Variants in IL1RAPL1 observed in about 807,000 individuals in gnomAD.
The protein encoded by IL1RAPL1 is interleukin-1 receptor accessory protein-like 1.
A neutral mutation model predicts 48.4 loss-of-function variants in IL1RAPL1; 3 were observed. That is an observed-to-expected ratio of 0.06 (90% CI 0.03 to 0.16). The LOEUF is 0.16. Among genes scored for constraint, IL1RAPL1 ranks in the 10% least tolerant of loss-of-function variants. The probability of loss-of-function intolerance (pLI) is 1.00; values close to 1 mark genes in which losing one functional copy is unlikely to be tolerated. For missense variants in IL1RAPL1, 349 were observed against 530.6 expected, an observed-to-expected ratio of 0.66 and a Z score of 3.36; for synonymous variants, 185 against 187.7, an observed-to-expected ratio of 0.99 and a Z score of 0.12.
Position 29,457,089 on chromosome X carries a change from G to T in IL1RAPL1, c.703+57781G>T, listed in dbSNP as rs142970996. 2.1e-3 allele frequency among the ~76,000 whole-genome samples: 236 copies of T among 110,091 alleles called. 2 individuals carry two copies. The highest frequency in any genetic ancestry group is 7.4e-3 in the African/African-American group (223 of 30,275). ...ATCTAGTTTGCAGTGAGCCGTGATT[G>T]CACCACTGTACTCCATCCTGAGCAA... On this transcript the variant is annotated intron_variant, in intron 5 of 10. Transcript: ENST00000378993.
At chrX:28,898,351 A>C in intron 2 of IL1RAPL1, among the ~76,000 whole-genome samples, 1 of 112,231 alleles carries the variant, frequency 8.9e-6, no homozygotes. Context: ...TAAGATCACA[A>C]AAATTTCTCC....
At chrX:29,134,801 T>A (rs1294726238) in intron 2 of IL1RAPL1, among the ~76,000 whole-genome samples, 1 of 111,471 alleles carries the variant, frequency 9.0e-6, no homozygotes, top group Non-Finnish European at 1.9e-5. Context: ...CTTTTTATAT[T>A]GTTATAGAGA....
intron 2 of IL1RAPL1, among the ~76,000 whole-genome samples, chrX:28,893,600 C>T (rs1034641796): frequency 1.7e-4 from 19 of 111,016 alleles, no homozygotes; most frequent in Non-Finnish European, 2.6e-4. Flanking sequence ...CAGTCCTGGG[C>T]GGGGGCAAAT....
intron 5 of IL1RAPL1, among the ~76,000 whole-genome samples, chrX:29,415,500 A>G (rs1039217804): frequency 2.7e-4 from 30 of 110,565 alleles, no homozygotes; most frequent in Non-Finnish European, 5.3e-4. Context: ...GCTCACTGCA[A>G]CCTCTGCCTC....
intron 6 of IL1RAPL1, among the ~76,000 whole-genome samples, chrX:29,803,373 A>ATGTG (rs1176318660): frequency 0.014 from 1,174 of 86,640 alleles, 87 homozygotes; most frequent in Non-Finnish European, 0.021. Flanking sequence ...ACATATGTAT[A>ATGTG]TATGTATACA....
intron 2 of IL1RAPL1, among the ~76,000 whole-genome samples, chrX:28,886,238 C>A (rs1461511971): frequency 1.8e-5 from 2 of 109,418 alleles, no homozygotes; most frequent in Admixed American, 9.8e-5. Flanking sequence ...CTCCTTTTTA[C>A]ATTGTTTTTT....
At chrX:29,308,316 A>G (rs66761218) in intron 3 of IL1RAPL1, among the ~76,000 whole-genome samples, 20,397 of 110,949 alleles carry the variant, frequency 0.18, 2,052 homozygotes, top group African/African-American at 0.36. Context: ...GAAAGACATC[A>G]TGCATTCCTA....
chrX:29,604,061 A>T (rs896709624), intron 5 of IL1RAPL1, among the ~76,000 whole-genome samples: 10 of 112,378 alleles, frequency 8.9e-5, no homozygotes, highest in Non-Finnish European at 1.9e-4. Context: ...TCTTCATTTA[A>T]TTGCAGAGTA....
At chrX:28,775,653 T>C (rs1936355514) in intron 1 of IL1RAPL1, among the ~76,000 whole-genome samples, 1 of 112,842 alleles carries the variant, frequency 8.9e-6, no homozygotes, top group Non-Finnish European at 1.9e-5. Flanking sequence ...TACAATAAAA[T>C]ACAAAATACT....
At chrX:28,733,006 A>T (rs183957442) in intron 1 of IL1RAPL1, among the ~76,000 whole-genome samples, 188 of 111,064 alleles carry the variant, frequency 1.7e-3, no homozygotes, top group Non-Finnish European at 2.7e-3. Context: ...ATTGGATCTT[A>T]ATGTTTATAT....
At chrX:29,218,941 T>C (rs1195827363) in intron 2 of IL1RAPL1, among the ~76,000 whole-genome samples, 1 of 112,488 alleles carries the variant, frequency 8.9e-6, no homozygotes, top group East Asian at 2.8e-4. Flanking sequence ...ACTCACATAC[T>C]TGAGTAAAAA....
chrX:28,644,253 A>G (rs1306878710), intron 1 of IL1RAPL1, among the ~76,000 whole-genome samples: 1 of 111,258 alleles, frequency 9.0e-6, no homozygotes, highest in Non-Finnish European at 1.9e-5. Context: ...TTAGTTGCTG[A>G]TCAGTTGCTA....
chrX:28,949,338 C>T (rs907750033), intron 2 of IL1RAPL1, among the ~76,000 whole-genome samples: 20 of 109,269 alleles, frequency 1.8e-4, no homozygotes, highest in African/African-American at 6.6e-4. Context: ...CATACCTTTA[C>T]CAAGGTAAAA....
intron 2 of IL1RAPL1, among the ~76,000 whole-genome samples, chrX:29,135,259 T>C (rs1186599300): frequency 1.8e-5 from 2 of 112,180 alleles, no homozygotes; most frequent in Admixed American, 9.5e-5. Context: ...GTTTATCTTA[T>C]AATCTGATAT....
At chrX:28,698,140 A>G (rs1431435241) in intron 1 of IL1RAPL1, among the ~76,000 whole-genome samples, 1 of 111,621 alleles carries the variant, frequency 9.0e-6, no homozygotes, top group African/African-American at 3.2e-5. Context: ...GATAGACTGA[A>G]CTCAGCCAAT....
chrX:28,928,887 C>G (rs1050271463), intron 2 of IL1RAPL1, among the ~76,000 whole-genome samples: 2 of 112,008 alleles, frequency 1.8e-5, no homozygotes, highest in African/African-American at 3.2e-5. Context: ...AGAATCTGAA[C>G]TCTTTGTATG....
intron 6 of IL1RAPL1, among the ~76,000 whole-genome samples, chrX:29,891,828 T>A (rs12843027): frequency 1.8e-5 from 2 of 111,097 alleles, no homozygotes; most frequent in Non-Finnish European, 3.8e-5. Flanking sequence ...TACTAAAGAT[T>A]TGTGAAATTC....
intron 5 of IL1RAPL1, among the ~76,000 whole-genome samples, chrX:29,434,362 A>G (rs1269388424): frequency 9.0e-6 from 1 of 110,546 alleles, no homozygotes; most frequent in African/African-American, 3.3e-5. Flanking sequence ...AAAAAAACAG[A>G]TTTTATGGAA....
rs201705177 is a variant in IL1RAPL1, at chrX:28,800,847, T to TTTTATTTATTTA, written c.82+11462_82+11473dup. Among the ~76,000 whole-genome samples the TTTTATTTATTTA allele has an allele frequency of 2.7e-3, 255 of 93,712 alleles. 1 individual carries two copies. Among genetic ancestry groups the TTTTATTTATTTA allele is most frequent in the Non-Finnish European group, 3.8e-3 (181 of 47,907 alleles). The allele number at this position is 93,712 out of a possible 115,157, so 81.4% of individuals were successfully genotyped here. A position where few individuals can be genotyped will look rare whatever the true frequency, so the allele number is the denominator to read the frequency against. Reference sequence around the variant, plus strand: ...AAAGGGCCTTTGCATATTAAAGGGATTTTATTTATTTATTTATTTATTTAT... The same window carrying TTTTATTTATTTA: ...AAAGGGCCTTTGCATATTAAAGGGATTTTATTTATTTATTTATTTATTTATTTATTTATTTAT... On this transcript the variant is annotated intron_variant, in intron 2 of 10. Transcript: ENST00000378993.
Sources: allele counts gnomAD v4.1 joint callset (sites outside exome capture counted in the v4.1 genomes callset), GRCh38; gene constraint gnomAD v4.1.1; transcripts MANE v1.5; gene names NCBI Gene and HGNC (gene_info 2026-07-23, HGNC 2026-07-21).